The following ABCG5 variants were observed in gnomAD, a reference collection of about 807,000 sequenced individuals.
ABCG5 encodes ATP binding cassette subfamily G member 5, also known as ATP-binding cassette sub-family G member 5.
Under a neutral mutation model 64.5 loss-of-function variants are expected in ABCG5, and 64 were observed. That is an observed-to-expected ratio of 0.99 (90% confidence interval 0.81 to 1.22). The LOEUF (loss-of-function observed/expected upper bound fraction) is 1.22. Among genes scored for constraint, ABCG5 ranks in the 50% most tolerant of loss-of-function variants. The probability of loss-of-function intolerance (pLI) is 0.00; values close to 1 mark genes in which losing one functional copy is unlikely to be tolerated. For synonymous variants in ABCG5, 385 were observed against 326.3 expected (o/e 1.18, Z -1.94); for missense variants, 908 against 829.5 (o/e 1.09, Z -1.16).
chr2:43,816,802 A>G (rs1180570882), intron 11 of ABCG5, among the ~76,000 whole-genome samples: 4 of 152,250 alleles, frequency 2.6e-5, no homozygotes, highest in Non-Finnish European at 4.4e-5. Context: ...ATTATATAAA[A>G]TTCTAGCAAG....
chr2:43,826,421 C>A lies in ABCG5; in HGVS notation c.735G>T (p.Val245=). ...LVELARRNRI[V]VLTIHQPRSE... is the part of the protein sequence containing the mutation. ...AACGGGGCTGGTGAATGGTGAGAAC[C>A]ACAATTCGGTTCCTGCGAGCCAGTT... The change falls in exon 6 of 13, where the codon GTG becomes GTT. Residue 245 remains valine, a synonymous_variant. Transcript: ENST00000405322. 8.1e-6 allele frequency: 13 copies of A among 1,614,030 alleles called. No homozygotes were observed. Among genetic ancestry groups the A allele is most frequent in the Non-Finnish European group, 1.0e-5 (12 of 1,180,026 alleles).
intron 11 of ABCG5, among the ~76,000 whole-genome samples, chr2:43,816,684 C>T (rs1322291114): frequency 6.6e-6 from 1 of 152,174 alleles, no homozygotes; most frequent in East Asian, 1.9e-4. Context: ...GCTGAAATTA[C>T]AGGCACGTGA....
At chr2:43,820,729 T>C (rs575739101) in intron 10 of ABCG5, among the ~76,000 whole-genome samples, 1 of 152,274 alleles carries the variant, frequency 6.6e-6, no homozygotes, top group African/African-American at 2.4e-5. Flanking sequence ...TCTTGGCTCA[T>C]TGCAACCTCT....
chr2:43,828,976 TAATA>T (rs1667803778), intron 4 of ABCG5, among the ~76,000 whole-genome samples: 2 of 151,608 alleles, frequency 1.3e-5, no homozygotes, highest in Admixed American at 1.3e-4. Flanking sequence ...AAAAAAATAA[TAATA>T]AATAAATAAA....
Sources: gnomAD v4.1 joint callset for allele counts (sites outside exome capture counted in the v4.1 genomes callset) on GRCh38, gnomAD v4.1.1 for gene constraint, MANE v1.5 for transcripts, NCBI Gene and HGNC (gene_info 2026-07-23, HGNC 2026-07-21) for gene names.